Variants in MFSD6 observed in about 807,000 individuals in gnomAD.
The protein encoded by MFSD6 is major facilitator superfamily domain containing 6.
A neutral mutation model predicts 56.3 loss-of-function variants in MFSD6; 26 were observed. The observed-to-expected ratio is 0.46, with a 90% CI of 0.34 to 0.64. MFSD6 has a LOEUF of 0.64. Ranked by LOEUF, MFSD6 falls within the 30% of genes least tolerant of loss-of-function variation. The pLI, the probability that MFSD6 is intolerant of heterozygous loss-of-function variation, is 0.01. For missense variants in MFSD6, 750 were observed against 986.2 expected, an observed-to-expected ratio of 0.76 and a Z score of 3.21; for synonymous variants, 331 against 366.9, an observed-to-expected ratio of 0.90 and a Z score of 1.12.
rs546774977 is a variant in MFSD6, at chr2:190,476,777, C to A, written c.1630+6922C>A. Among the ~76,000 whole-genome samples, 22 of 152,180 alleles carry A rather than the reference C, an allele frequency of 1.4e-4. No individual in the cohort carries two copies. The East Asian group carries it at 4.2e-3, about 29-fold the overall frequency. On this transcript the variant is annotated intron_variant, in intron 4 of 7. Transcript: ENST00000392328. ...CACATATGTTTATTGCAGCACTATT[C>A]ACAATAGCAAAGACTTGGAACCAAC...
At chr2:190,411,525 A>C in intron 1 of MFSD6, 1 of 985,344 alleles carries the variant, frequency 1.0e-6, no homozygotes, top group Non-Finnish European at 1.2e-6. Flanking sequence ...TTTACCTTAT[A>C]AAGTTATGTT....
rs897023234 is a variant in MFSD6, at chr2:190,471,197, A to G, written c.1630+1342A>G. 6.6e-6 allele frequency among the ~76,000 whole-genome samples: 1 copy of G among 152,146 alleles called. No individual in the cohort carries two copies. Among genetic ancestry groups the G allele is most frequent in the Non-Finnish European group, 1.5e-5 (1 of 68,016 alleles). On this transcript the variant is annotated intron_variant, in intron 4 of 7. Coordinates refer to ENST00000392328, the MANE Select transcript of MFSD6 (RefSeq NM_017694.4). The surrounding 1 kb of genome is among the most constrained non-coding windows in gnomAD (Gnocchi z 4.7). ...AAGACTACTGATTTCTGCATTTCCAACTGAGGTACCGGGTTCATCTCACTG... is the reference window on the plus strand; with the variant it reads ...AAGACTACTGATTTCTGCATTTCCAGCTGAGGTACCGGGTTCATCTCACTG...
chr2:190,469,821 T>C lies in MFSD6; in HGVS notation c.1596T>C (p.Asn532=). The change falls in exon 4 of 8, where the codon AAT becomes AAC. Residue 532 remains asparagine (N), a synonymous_variant. Transcript: ENST00000392328. The surrounding 1 kb of genome is among the most constrained non-coding windows in gnomAD (Gnocchi z 5.3). ...ATATTTATATTTCCTACCTGGAGAA[T>C]GCCTGGACTGTTCTCCCCATGGAAG... ...ARYIYISYLE[N]AWTVLPMEVL... 1 of 1,610,188 alleles carries C rather than the reference T, an allele frequency of 6.2e-7. No individual in the cohort carries two copies. Among genetic ancestry groups the C allele is most frequent in the Non-Finnish European group, 8.5e-7 (1 of 1,177,694 alleles).
At chr2:190,455,869 GC>G (rs1267552709) in intron 3 of MFSD6, among the ~76,000 whole-genome samples, 1 of 147,388 alleles carries the variant, frequency 6.8e-6, no homozygotes, top group Admixed American at 6.8e-5. Context: ...AAAATTTCTA[GC>G]CATAAAAGTT....
rs1476428738 is a variant in MFSD6, at chr2:190,432,871, C to T, written c.-53-3106C>T. On this transcript the variant is annotated intron_variant, in intron 2 of 7. Transcript: ENST00000392328. ...TCTCTCTCTCTCTTTCACTCACTTACTCACACATACACTCTTTCTCTTACT... is the reference window on the plus strand; with the variant it reads ...TCTCTCTCTCTCTTTCACTCACTTATTCACACATACACTCTTTCTCTTACT... 9.1e-5 allele frequency among the ~76,000 whole-genome samples: 13 copies of T among 142,838 alleles called. 1 individual carries two copies. The highest frequency in any genetic ancestry group is 2.0e-4 in the Non-Finnish European group (13 of 65,238). The allele number at this position is 142,838 out of a possible 152,430, so 93.7% of individuals were successfully genotyped here.
At chr2:190,449,335 A>G (rs1486878090) in intron 3 of MFSD6, among the ~76,000 whole-genome samples, 1 of 151,884 alleles carries the variant, frequency 6.6e-6, no homozygotes, top group Non-Finnish European at 1.5e-5. Context: ...TTAGCTGGGC[A>G]TGGTGGCGGG....
chr2:190,477,687 C>G (rs574960368), intron 4 of MFSD6, among the ~76,000 whole-genome samples: 1 of 152,240 alleles, frequency 6.6e-6, no homozygotes, highest in South Asian at 2.1e-4. Context: ...TTAACTCAGG[C>G]CACAAGGTCT....
Position 190,485,766 on chromosome 2 carries a change from G to A in MFSD6, c.1631-2891G>A, listed in dbSNP as rs1405523026. 6.6e-6 allele frequency among the ~76,000 whole-genome samples: 1 copy of A among 150,852 alleles called. No homozygotes were observed. The highest frequency in any genetic ancestry group is 6.6e-5 in the Admixed American group (1 of 15,154). On this transcript the variant is annotated intron_variant, in intron 4 of 7. Coordinates refer to ENST00000392328, the MANE Select transcript of MFSD6 (RefSeq NM_017694.4). This position sits in a 1 kb window ranked among gnomAD's most constrained non-coding sequence, Gnocchi z 5.1. ...TTTGACTTCTTAGGAAATTAACTGT[G>A]TATGCTACTGCTAATCATCTAGTCC...
Position 190,413,165 on chromosome 2 carries a change from G to C in MFSD6, c.-175-2127G>C, listed in dbSNP as rs1284526955. Among the ~76,000 whole-genome samples, 2 of 152,186 alleles carry C rather than the reference G, an allele frequency of 1.3e-5. No homozygotes were observed. Among genetic ancestry groups the C allele is most frequent in the South Asian group, 2.1e-4 (1 of 4,826 alleles). On this transcript the variant is annotated intron_variant, in intron 1 of 7. Coordinates refer to ENST00000392328, the MANE Select transcript of MFSD6 (RefSeq NM_017694.4). This position sits in a 1 kb window ranked among gnomAD's most constrained non-coding sequence, Gnocchi z 4.1. ...ATTCAAAGTAGCCTCTCCCTGCCTT[G>C]ATCCATTATGATGTAAATCTAGCTG...
At position 190,500,358 on chromosome 2, in the gene MFSD6, T is replaced by G; in HGVS notation, c.*140T>G. The stretch of plus-strand genomic sequence containing the variant: ...TTCTAAATATCTAAACTCATTAACA[T>G]GGAAACACACACACAGGAGCTACAG... On this transcript the variant is annotated 3_prime_UTR_variant, in exon 8 of 8. Coordinates refer to ENST00000392328, the MANE Select transcript of MFSD6 (RefSeq NM_017694.4). The surrounding 1 kb of genome is among the most constrained non-coding windows in gnomAD (Gnocchi z 5.3). 1 of 833,738 alleles carries G rather than the reference T, an allele frequency of 1.2e-6. No individual in the cohort carries two copies. Among genetic ancestry groups the G allele is most frequent in the Non-Finnish European group, 1.8e-6 (1 of 541,110 alleles). The allele number at this position is 833,738 out of a possible 1,614,324, so 51.6% of individuals were successfully genotyped here.
At chr2:190,473,564 T>G (rs1688085696) in intron 4 of MFSD6, among the ~76,000 whole-genome samples, 1 of 152,116 alleles carries the variant, frequency 6.6e-6, no homozygotes, top group African/African-American at 2.4e-5. Flanking sequence ...GCACCCAGAT[T>G]CATAAAGCAA....
intron 4 of MFSD6, among the ~76,000 whole-genome samples, chr2:190,480,610 A>G (rs1688606213): frequency 1.3e-5 from 2 of 152,250 alleles, no homozygotes. Flanking sequence ...GCTGAGGCAG[A>G]TTACCAAAAT....
intron 4 of MFSD6, among the ~76,000 whole-genome samples, chr2:190,483,128 G>A (rs1430042952): frequency 2.0e-5 from 3 of 151,418 alleles, no homozygotes; most frequent in Non-Finnish European, 2.9e-5. Context: ...TCCTGACCTC[G>A]TGATCCACCC....
chr2:190,431,203 C>T lies in MFSD6; in HGVS notation c.-53-4774C>T, dbSNP rs1182009073. Among the ~76,000 whole-genome samples the T allele has an allele frequency of 6.6e-6, 1 of 150,578 alleles. No individual in the cohort carries two copies. The highest frequency in any genetic ancestry group is 1.5e-5 in the Non-Finnish European group (1 of 67,726). Reference sequence around the variant, plus strand: ...AGATGGGATGGTGGCCGGGAAGAGGCGCTCCTCACTTCCCAGACTGGGCAG... The same window carrying T: ...AGATGGGATGGTGGCCGGGAAGAGGTGCTCCTCACTTCCCAGACTGGGCAG... On this transcript the variant is annotated intron_variant, in intron 2 of 7. Coordinates refer to ENST00000392328, the MANE Select transcript of MFSD6 (RefSeq NM_017694.4). This position sits in a 1 kb window ranked among gnomAD's most constrained non-coding sequence, Gnocchi z 4.4.
intron 2 of MFSD6, among the ~76,000 whole-genome samples, chr2:190,429,941 C>T (rs937347304): frequency 2.6e-5 from 4 of 152,008 alleles, no homozygotes; most frequent in East Asian, 3.9e-4. Context: ...TGGTGTGCTG[C>T]ACCCATTAAC....
chr2:190,411,603 A>C, intron 1 of MFSD6: 2 of 979,210 alleles, frequency 2.0e-6, no homozygotes, highest in African/African-American at 3.5e-5. Context: ...AAGGAAAACA[A>C]AAGAAGACTA....
At chr2:190,480,204 T>A (rs554674325) in intron 4 of MFSD6, among the ~76,000 whole-genome samples, 1 of 152,232 alleles carries the variant, frequency 6.6e-6, no homozygotes, top group Non-Finnish European at 1.5e-5. Context: ...CCTCCTCTTA[T>A]GCTCTGCAAG....
chr2:190,464,929 T>A (rs1687520424), intron 3 of MFSD6: 1 of 982,922 alleles, frequency 1.0e-6, no homozygotes, highest in Admixed American at 6.2e-5. Context: ...GAGGGTGGAT[T>A]TAGCCATATT....
Position 190,490,304 on chromosome 2 carries a change from C to T in MFSD6, c.1891+438C>T, listed in dbSNP as rs1001257528. Among the ~76,000 whole-genome samples, 15 of 151,662 alleles carry T rather than the reference C, an allele frequency of 9.9e-5. No homozygotes were observed. The highest frequency in any genetic ancestry group is 6.6e-5 in the Admixed American group (1 of 15,242). ...AATGGCCGGGTGCAGTGGCTCACGCCTGTAATCCCAACACTTTGGGAGGCC... is the reference window on the plus strand; with the variant it reads ...AATGGCCGGGTGCAGTGGCTCACGCTTGTAATCCCAACACTTTGGGAGGCC... On this transcript the variant is annotated intron_variant, in intron 6 of 7. Transcript: ENST00000392328. This position sits in a 1 kb window ranked among gnomAD's most constrained non-coding sequence, Gnocchi z 4.5.
Sources: gnomAD v4.1 joint callset for allele counts (sites outside exome capture counted in the v4.1 genomes callset) on GRCh38, gnomAD v4.1.1 for gene constraint, Gnocchi (gnomAD v3.1) non-coding constraint, MANE v1.5 for transcripts, NCBI Gene and HGNC (gene_info 2026-07-23, HGNC 2026-07-21) for gene names.